Variants in GLOD4 observed in about 807,000 individuals in gnomAD.
The protein encoded by GLOD4 is glyoxalase domain-containing protein 4.
A neutral mutation model predicts 39.1 loss-of-function variants in GLOD4; 44 were observed. That is an observed-to-expected ratio of 1.13 (90% confidence interval 0.88 to 1.45). The LOEUF (loss-of-function observed/expected upper bound fraction) is 1.45. GLOD4 is among the 40% of genes most tolerant of loss of function. GLOD4 has a pLI of 0.00. For missense variants in GLOD4, 405 were observed against 366.4 expected, an observed-to-expected ratio of 1.11 and a Z score of -0.86; for synonymous variants, 145 against 135.0, an observed-to-expected ratio of 1.07 and a Z score of -0.52.
At chr17:775,036 C>T (rs1475184164) in intron 4 of GLOD4, among the ~76,000 whole-genome samples, 2 of 149,736 alleles carry the variant, frequency 1.3e-5, no homozygotes, top group Admixed American at 1.3e-4. Context: ...CAGCACTGCA[C>T]TCTAGCCTGG....
At chr17:783,347 ATCT>A (rs781635202), upstream of GLOD4, 5 of 1,444,898 alleles carry the variant, frequency 3.5e-6, no homozygotes, top group South Asian at 3.9e-5. Context: ...TACCCAGTGT[ATCT>A]TTTTTTTTTT....
At chr17:768,224 G>C (rs2144337576) in intron 8 of GLOD4, among the ~76,000 whole-genome samples, 1 of 150,650 alleles carries the variant, frequency 6.6e-6, no homozygotes, top group African/African-American at 2.5e-5. Flanking sequence ...GAGGATGTGT[G>C]AGAGAGAAAC....
At chr17:782,682 A>C (rs747814287), upstream of GLOD4, 4 of 1,598,936 alleles carry the variant, frequency 2.5e-6, no homozygotes, top group Non-Finnish European at 3.4e-6. Context: ...TCCCGGGGAC[A>C]GGAGGCTGAG....
At chr17:783,455 G>A, upstream of GLOD4, 1 of 931,104 alleles carries the variant, frequency 1.1e-6, no homozygotes, top group South Asian at 1.9e-5. Context: ...TCTTGCCTCA[G>A]CCTCCGCAGT....
intron 1 of GLOD4, among the ~76,000 whole-genome samples, chr17:779,132 T>C (rs547487534): frequency 3.2e-4 from 49 of 151,324 alleles, no homozygotes; most frequent in Non-Finnish European, 4.9e-4. Context: ...CTGGCAAACA[T>C]AGTGAAACCC....
intron 1 of GLOD4, among the ~76,000 whole-genome samples, chr17:779,074 G>A (rs1909420528): frequency 6.6e-6 from 1 of 152,020 alleles, no homozygotes; most frequent in African/African-American, 2.4e-5. Context: ...CAGCACTTTG[G>A]GAGATCAAGG....
chr17:775,764 G>A lies in GLOD4; in HGVS notation c.406+11C>T. ...TTAGACAGAGGCTTTTACTGGTTCT[G>A]GTATAATTACCTGACTGAGGCAGAC... On this transcript the variant is annotated intron_variant, in intron 4 of 8. Coordinates refer to ENST00000301329, the MANE Select transcript of GLOD4 (RefSeq NM_016080.4). The A allele has an allele frequency of 2.5e-6, 4 of 1,610,070 alleles. No individual in the cohort carries two copies. The highest frequency in any genetic ancestry group is 2.6e-6 in the Non-Finnish European group (3 of 1,176,442).
chr17:780,400 T>A (rs191219490), intron 1 of GLOD4, among the ~76,000 whole-genome samples: 1 of 152,112 alleles, frequency 6.6e-6, no homozygotes, highest in South Asian at 2.1e-4. Context: ...TCTCCTTAAC[T>A]TCAACTAAGC....
chr17:773,756 A>G (rs981805644), intron 4 of GLOD4, among the ~76,000 whole-genome samples: 2 of 152,130 alleles, frequency 1.3e-5, no homozygotes, highest in African/African-American at 4.8e-5. Flanking sequence ...GCTGTTTCTC[A>G]CAAGTGCCTC....
intron 3 of GLOD4, 66 bp downstream of exon 3, chr17:776,802 C>T (rs771060617): frequency 8.4e-7 from 1 of 1,188,128 alleles, no homozygotes; most frequent in African/African-American, 1.5e-5. Flanking sequence ...CCTTGGCACT[C>T]TACTCAAATT....
chr17:763,505 A>T (rs1287049391), intron 8 of GLOD4: 1 of 152,240 alleles, frequency 6.6e-6, no homozygotes, highest in Admixed American at 6.5e-5. Context: ...TGGGCAACAG[A>T]GTGAGGCTCC....
chr17:765,345 G>A (rs1302328815), intron 8 of GLOD4: 3 of 150,926 alleles, frequency 2.0e-5, no homozygotes, highest in African/African-American at 7.3e-5. Context: ...CTGGAAGTGA[G>A]GAGGCTGGAG....
chr17:772,605 T>C (rs532415029), intron 4 of GLOD4, among the ~76,000 whole-genome samples: 2 of 152,154 alleles, frequency 1.3e-5, no homozygotes, highest in East Asian at 3.9e-4. Flanking sequence ...CACCTGTAAA[T>C]ATCAATAGGA....
At chr17:781,939 G>A (rs1302258520) in intron 1 of GLOD4, 2 of 520,082 alleles carry the variant, frequency 3.8e-6, no homozygotes, top group East Asian at 3.0e-5. Flanking sequence ...ATGAAAGGAC[G>A]TGCGTGGGCA....
In GLOD4 at chr17:759,386, T is replaced by C. The variant is rs1905125497; in HGVS notation, c.*787A>G. On this transcript the variant is annotated 3_prime_UTR_variant, in exon 9 of 9. Transcript: ENST00000301329. ...CACAATATAATTCCATTTCGAGTGATTAAAACCTATTTGTTGTTTAGAACC... is the reference window on the plus strand; with the variant it reads ...CACAATATAATTCCATTTCGAGTGACTAAAACCTATTTGTTGTTTAGAACC... The C allele has an allele frequency of 6.6e-6, 1 of 152,246 alleles. No individual in the cohort carries two copies. Among genetic ancestry groups the C allele is most frequent in the African/African-American group, 2.4e-5 (1 of 41,464 alleles). 9.4% of individuals were successfully genotyped at this position (152,246 alleles called of 1,614,324 possible).
At chr17:785,027 G>C (rs1910471128), upstream of GLOD4, among the ~76,000 whole-genome samples, 1 of 152,094 alleles carries the variant, frequency 6.6e-6, no homozygotes, top group African/African-American at 2.4e-5. Context: ...TCAGTCAGTA[G>C]CCCATTTATT....
Position 771,447 on chromosome 17 carries a change from C to G in GLOD4, c.421G>C (p.Val141Leu). The change falls in exon 5 of 9, where the codon GTA (valine) becomes CTA (leucine). Residue 141 changes from valine (V) to leucine (L), a missense_variant. By Grantham distance (32) the Val-to-Leu change is conservative. Transcript: ENST00000301329. ...SLPQSDPVLK[V>L]TLAVSDLQKS... ...TGAAGATCAGACACTGCTAGAGTTA[C>G]TTTTAATACAGGATCTGTTGGGTAA... is the stretch of plus-strand genomic sequence containing the variant. The G allele has an allele frequency of 6.4e-7, 1 of 1,565,104 alleles. No homozygotes were observed. Among genetic ancestry groups the G allele is most frequent in the Non-Finnish European group, 8.7e-7 (1 of 1,146,172 alleles).
chr17:772,120 T>C (rs1908061060), intron 4 of GLOD4, among the ~76,000 whole-genome samples: 1 of 137,284 alleles, frequency 7.3e-6, no homozygotes, highest in African/African-American at 2.8e-5. Context: ...GCCCGGGAGG[T>C]TGAGGCTGCA....
At chr17:779,211 A>T (rs528968573) in intron 1 of GLOD4, among the ~76,000 whole-genome samples, 55 of 147,932 alleles carry the variant, frequency 3.7e-4, no homozygotes, top group African/African-American at 1.3e-3. Context: ...GCTACTCAGG[A>T]GGTTGAGGCA....
Sources: allele counts gnomAD v4.1 joint callset (sites outside exome capture counted in the v4.1 genomes callset), GRCh38; gene constraint gnomAD v4.1.1; transcripts MANE v1.5; gene names NCBI Gene and HGNC (gene_info 2026-07-23, HGNC 2026-07-21).